PRDM5: variants seen among roughly 807,000 people sequenced by gnomAD.
PRDM5 encodes PR/SET domain 5.
PRDM5 carries 56 observed loss-of-function variants against 81.2 expected under a neutral mutation model. That is an observed-to-expected ratio of 0.69 (90% CI 0.56 to 0.86). The LOEUF is 0.86. PRDM5 is among the 40% of genes least tolerant of loss of function. PRDM5 has a pLI of 0.00. For synonymous variants in PRDM5, 267 were observed against 256.4 expected (o/e 1.04, Z -0.39); for missense variants, 697 against 770.1 (o/e 0.91, Z 1.12).
At chr4:120,831,431 T>C (rs1023699320) in intron 3 of PRDM5, among the ~76,000 whole-genome samples, 6 of 152,120 alleles carry the variant, frequency 3.9e-5, no homozygotes, top group Admixed American at 1.3e-4. Context: ...CATTCATTCC[T>C]ACACCTGTTT....
chr4:120,786,518 C>T (rs1284073195), intron 10 of PRDM5, among the ~76,000 whole-genome samples: 2 of 152,080 alleles, frequency 1.3e-5, no homozygotes, highest in Non-Finnish European at 2.9e-5. Context: ...GGCTTTGAGG[C>T]AAACGTCCAG....
chr4:120,911,654 AC>A (rs2148695455), intron 1 of PRDM5, among the ~76,000 whole-genome samples: 1 of 152,176 alleles, frequency 6.6e-6, no homozygotes, highest in East Asian at 1.9e-4. Context: ...GGGGAAAAGC[AC>A]TATCTTCTAA....
chr4:120,847,764 C>T (rs1758821840), intron 3 of PRDM5, among the ~76,000 whole-genome samples: 1 of 152,136 alleles, frequency 6.6e-6, no homozygotes, highest in Non-Finnish European at 1.5e-5. Context: ...ACTCAAAAGT[C>T]ATACTCTAAT....
At chr4:120,783,136 T>C (rs561127894) in intron 11 of PRDM5, among the ~76,000 whole-genome samples, 1 of 152,278 alleles carries the variant, frequency 6.6e-6, no homozygotes, top group South Asian at 2.1e-4. Context: ...ACAGCTTTCA[T>C]ATTTTAAAGT....
chr4:120,712,738 A>G (rs544223251), intron 14 of PRDM5, among the ~76,000 whole-genome samples: 2 of 152,338 alleles, frequency 1.3e-5, no homozygotes, highest in East Asian at 1.9e-4. Context: ...TATCCTCACA[A>G]GTTTCTAGTC....
chr4:120,860,753 T>C (rs13108542), intron 2 of PRDM5, among the ~76,000 whole-genome samples: 28,736 of 152,154 alleles, frequency 0.19, 3,135 homozygotes, highest in Non-Finnish European at 0.25. Context: ...GGCTTATTTG[T>C]TTACTTTTTA....
downstream of PRDM5, among the ~76,000 whole-genome samples, chr4:120,689,837 A>G (rs114453702): frequency 6.6e-6 from 1 of 151,860 alleles, no homozygotes; most frequent in Admixed American, 6.6e-5. Flanking sequence ...CTGTTGTCGA[A>G]CTCCTGGGCT....
Position 120,809,761 on chromosome 4 carries a change from G to A in PRDM5, c.945+1609C>T, listed in dbSNP as rs1311067846. Reference sequence around the variant, plus strand: ...CTCAACTATAGGAAAAGTTCCAATTGGAGTCAATAAAAGTTGACTATGGAT... The same window carrying A: ...CTCAACTATAGGAAAAGTTCCAATTAGAGTCAATAAAAGTTGACTATGGAT... On this transcript the variant is annotated intron_variant, in intron 8 of 15. Coordinates refer to ENST00000264808, the MANE Select transcript of PRDM5 (RefSeq NM_018699.4). Among the ~76,000 whole-genome samples, 8 of 152,266 alleles carry A rather than the reference G, an allele frequency of 5.3e-5. No individual in the cohort carries two copies. The East Asian group carries it at 1.4e-3, about 26-fold the overall frequency.
intron 14 of PRDM5, among the ~76,000 whole-genome samples, chr4:120,716,049 T>C (rs543437779): frequency 5.3e-5 from 8 of 152,198 alleles, no homozygotes; most frequent in Non-Finnish European, 1.2e-4. Context: ...ATGAGGGCTT[T>C]GCAGTTATCA....
intron 2 of PRDM5, among the ~76,000 whole-genome samples, chr4:120,889,429 C>T (rs1159989075): frequency 6.6e-6 from 1 of 151,770 alleles, no homozygotes; most frequent in Non-Finnish European, 1.5e-5. Context: ...TGTATAAGTC[C>T]TCCAGTTTTG....
intron 2 of PRDM5, among the ~76,000 whole-genome samples, chr4:120,892,385 A>G (rs1218644663): frequency 1.3e-5 from 2 of 152,096 alleles, no homozygotes; most frequent in African/African-American, 4.8e-5. Context: ...TTTTGTCTCA[A>G]TGATCTAATA....
In PRDM5 at chr4:120,842,254, T is replaced by A. The variant is rs77181256; in HGVS notation, c.300+11164A>T. The stretch of plus-strand genomic sequence containing the variant: ...AAATGTGTACACACATACAAGTACA[T>A]ACTCAGCACTCACAGAGTAAAAATG... On this transcript the variant is annotated intron_variant, in intron 3 of 15. Transcript: ENST00000264808. 2.1e-3 allele frequency among the ~76,000 whole-genome samples: 317 copies of A among 152,332 alleles called. 7 individuals carry two copies. The highest frequency in any genetic ancestry group is 0.015 in the Admixed American group (225 of 15,312).
At chr4:120,864,082 T>C (rs186173444) in intron 2 of PRDM5, among the ~76,000 whole-genome samples, 6 of 152,308 alleles carry the variant, frequency 3.9e-5, no homozygotes, top group Non-Finnish European at 8.8e-5. Context: ...AATACACTGC[T>C]GCATGGAGGA....
At chr4:120,805,255 C>T (rs11933936) in intron 8 of PRDM5, among the ~76,000 whole-genome samples, 10,927 of 152,130 alleles carry the variant, frequency 0.072, 763 homozygotes, top group African/African-American at 0.19. Flanking sequence ...GATTCACAGC[C>T]GAATTCTACC....
At chr4:120,759,012 C>A (rs1010867055) in intron 13 of PRDM5, among the ~76,000 whole-genome samples, 8 of 152,144 alleles carry the variant, frequency 5.3e-5, no homozygotes, top group African/African-American at 1.7e-4. Flanking sequence ...ACCTCAACCA[C>A]CCAAAGTGCT....
intron 3 of PRDM5, among the ~76,000 whole-genome samples, chr4:120,824,902 C>T (rs1462956284): frequency 1.3e-5 from 2 of 152,044 alleles, no homozygotes; most frequent in Admixed American, 6.6e-5. Context: ...TGGAGGAAAT[C>T]GTGAGTACTT....
chr4:120,734,397 C>CACACACACACACACACAAAT (rs1740755521), intron 14 of PRDM5, among the ~76,000 whole-genome samples: 13 of 140,962 alleles, frequency 9.2e-5, no homozygotes, highest in African/African-American at 3.6e-4. Flanking sequence ...GTGGAACACA[C>CACACACACACACACACAAAT]ACACACACAC....
In PRDM5 at chr4:120,734,189, A is replaced by T. The variant is rs897452644; in HGVS notation, c.1623+20364T>A. ...TGGCACAGGGCACCCAGGCTAAGCCACCTGGGCTCCATTCTGCAGGCAGAG... is the reference window on the plus strand; with the variant it reads ...TGGCACAGGGCACCCAGGCTAAGCCTCCTGGGCTCCATTCTGCAGGCAGAG... On this transcript the variant is annotated intron_variant, in intron 14 of 15. Transcript: ENST00000264808. 3.2e-4 allele frequency among the ~76,000 whole-genome samples: 49 copies of T among 151,986 alleles called. 1 individual carries two copies. Among genetic ancestry groups the T allele is most frequent in the African/African-American group, 1.1e-3 (47 of 41,454 alleles).
chr4:120,757,721 TTC>T, intron 13 of PRDM5, among the ~76,000 whole-genome samples: 1 of 152,080 alleles, frequency 6.6e-6, no homozygotes. Context: ...CTCCTCCTTC[TTC>T]TTTCTCTTCT....
Sources: allele counts gnomAD v4.1 joint callset (sites outside exome capture counted in the v4.1 genomes callset), GRCh38; gene constraint gnomAD v4.1.1; transcripts MANE v1.5; gene names NCBI Gene and HGNC (gene_info 2026-07-23, HGNC 2026-07-21).